The following LRRC7 variants were observed in gnomAD, a reference collection of about 807,000 sequenced individuals.
The protein encoded by LRRC7 is leucine rich repeat containing 7.
A neutral mutation model predicts 175.7 loss-of-function variants in LRRC7; 23 were observed. That is an observed-to-expected ratio of 0.13 (90% CI 0.09 to 0.19). The LOEUF is 0.19. LRRC7 is among the 10% of genes least tolerant of loss of function. The probability of loss-of-function intolerance (pLI) is 1.00; values close to 1 mark genes in which losing one functional copy is unlikely to be tolerated. For synonymous variants in LRRC7, 685 were observed against 680.9 expected, an observed-to-expected ratio of 1.01 and a Z score of -0.09; for missense variants, 1,354 against 1,904.7, an observed-to-expected ratio of 0.71 and a Z score of 5.38.
chr1:69,844,576 C>T (rs751541600), intron 7 of LRRC7, among the ~76,000 whole-genome samples: 3 of 152,102 alleles, frequency 2.0e-5, no homozygotes, highest in Admixed American at 6.6e-5. Flanking sequence ...TGTCTTTATT[C>T]ATTCATCTGT....
In LRRC7 at chr1:70,003,263, C is replaced by T. The variant is rs148431930; in HGVS notation, c.1005-8534C>T. ...GACTTTATCCAACTCTAAATTACCT[C>T]CCTAAGGCCCCATCTCCAAATACCA... On this transcript the variant is annotated intron_variant, in intron 11 of 26. Transcript: ENST00000651989. Among the ~76,000 whole-genome samples, 79 of 152,256 alleles carry T rather than the reference C, an allele frequency of 5.2e-4. 2 individuals carry two copies. The East Asian group carries it at 0.014, about 26-fold the overall frequency.
chr1:70,080,105 T>C (rs1423134126), intron 24 of LRRC7, among the ~76,000 whole-genome samples: 1 of 152,206 alleles, frequency 6.6e-6, no homozygotes, highest in African/African-American at 2.4e-5. Context: ...TAAACCTGCC[T>C]GAACTATAAC....
chr1:69,951,914 CT>C (rs754922526), intron 8 of LRRC7, among the ~76,000 whole-genome samples: 60 of 151,732 alleles, frequency 4.0e-4, no homozygotes, highest in Non-Finnish European at 7.1e-4. Flanking sequence ...AGTGTACCCC[CT>C]AACCTAAAAT....
At chr1:70,041,098 G>C (rs1007998460) in intron 21 of LRRC7, among the ~76,000 whole-genome samples, 3 of 152,146 alleles carry the variant, frequency 2.0e-5, no homozygotes, top group Non-Finnish European at 4.4e-5. Flanking sequence ...TTCTAGGGCT[G>C]AATGCTCAGT....
intron 2 of LRRC7, among the ~76,000 whole-genome samples, chr1:69,747,254 G>A (rs1486120040): frequency 6.6e-6 from 1 of 152,116 alleles, no homozygotes; most frequent in African/African-American, 2.4e-5. Context: ...GTTAATCCTT[G>A]AGTTTACTTG....
At chr1:69,750,811 A>C (rs186519470) in intron 2 of LRRC7, among the ~76,000 whole-genome samples, 39 of 152,340 alleles carry the variant, frequency 2.6e-4, no homozygotes, top group Admixed American at 1.2e-3. Context: ...TAATCCATTC[A>C]TGAGGGCGGG....
intron 4 of LRRC7, among the ~76,000 whole-genome samples, chr1:69,810,996 A>T (rs1213376638): frequency 6.6e-6 from 1 of 152,112 alleles, no homozygotes; most frequent in East Asian, 1.9e-4. Context: ...AACATACAGA[A>T]TGGGAAAACA....
chr1:69,775,716 A>G (rs1024297851), intron 3 of LRRC7, among the ~76,000 whole-genome samples: 22 of 152,250 alleles, frequency 1.4e-4, no homozygotes, highest in African/African-American at 5.1e-4. Flanking sequence ...ACAATTAATT[A>G]AATGATTTCT....
chr1:69,770,456 A>T (rs575075293), intron 3 of LRRC7, among the ~76,000 whole-genome samples: 1 of 152,174 alleles, frequency 6.6e-6, no homozygotes, highest in Non-Finnish European at 1.5e-5. Flanking sequence ...AGGGTGACAA[A>T]TTTTGAAATG....
intron 13 of LRRC7, among the ~76,000 whole-genome samples, chr1:70,014,787 T>A (rs1656822995): frequency 6.6e-6 from 1 of 152,154 alleles, no homozygotes; most frequent in South Asian, 2.1e-4. Flanking sequence ...AGATTGCTCC[T>A]GTGGTCAATG....
At chr1:69,846,282 C>T (rs1333614527) in intron 7 of LRRC7, among the ~76,000 whole-genome samples, 1 of 152,060 alleles carries the variant, frequency 6.6e-6, no homozygotes, top group African/African-American at 2.4e-5. Flanking sequence ...ATACTCTCAA[C>T]ACAAAATTAA....
intron 2 of LRRC7, among the ~76,000 whole-genome samples, chr1:69,728,868 A>G (rs1667259150): frequency 6.6e-6 from 1 of 152,186 alleles, no homozygotes. Context: ...TCACACTGCT[A>G]ATGAAGACAT....
intron 7 of LRRC7, among the ~76,000 whole-genome samples, chr1:69,904,779 G>C (rs1394654794): frequency 6.6e-6 from 1 of 151,992 alleles, no homozygotes; most frequent in Non-Finnish European, 1.5e-5. Flanking sequence ...CCCAGGTAAT[G>C]AGCATCATAC....
chr1:69,712,638 C>A (rs75950739), intron 2 of LRRC7, among the ~76,000 whole-genome samples: 14,216 of 152,114 alleles, frequency 0.093, 722 homozygotes, highest in East Asian at 0.12. Flanking sequence ...AAAAAAGAAC[C>A]ATTAGGGCTA....
intron 7 of LRRC7, among the ~76,000 whole-genome samples, chr1:69,891,816 C>T (rs1045496868): frequency 1.3e-5 from 2 of 149,244 alleles, no homozygotes; most frequent in African/African-American, 4.9e-5. Flanking sequence ...AAAAGTGATA[C>T]AAAGACATGA....
intron 1 of LRRC7, among the ~76,000 whole-genome samples, chr1:69,635,451 C>T (rs1653182156): frequency 6.6e-6 from 1 of 151,884 alleles, no homozygotes; most frequent in Non-Finnish European, 1.5e-5. Flanking sequence ...TTTTGAGAAT[C>T]TAAAATAGAT....
chr1:69,821,191 T>C (rs1679253440), intron 4 of LRRC7, among the ~76,000 whole-genome samples: 1 of 152,106 alleles, frequency 6.6e-6, no homozygotes, highest in Admixed American at 6.6e-5. Context: ...CTTTCTCTTC[T>C]TATTCTGGGT....
intron 2 of LRRC7, among the ~76,000 whole-genome samples, chr1:69,741,370 C>T (rs1668690815): frequency 6.6e-6 from 1 of 151,722 alleles, no homozygotes; most frequent in Non-Finnish European, 1.5e-5. Flanking sequence ...TGTTTGTTCG[C>T]TAAATCTGGC....
intron 26 of LRRC7, among the ~76,000 whole-genome samples, chr1:70,117,765 A>T (rs182722456): frequency 6.6e-6 from 1 of 152,150 alleles, no homozygotes; most frequent in African/African-American, 2.4e-5. Flanking sequence ...TAAGCCATTT[A>T]TTTCTCATTT....
Sources: allele counts gnomAD v4.1 joint callset (sites outside exome capture counted in the v4.1 genomes callset), GRCh38; gene constraint gnomAD v4.1.1; transcripts MANE v1.5; gene names NCBI Gene and HGNC (gene_info 2026-07-23, HGNC 2026-07-21).